Variants in TMPRSS13 observed in about 807,000 individuals in gnomAD.
TMPRSS13 encodes the protein transmembrane serine protease 13.
In TMPRSS13, 50 loss-of-function variants were observed where a neutral mutation model predicts 68.4. The observed-to-expected ratio is 0.73, with a 90% CI of 0.58 to 0.93. The LOEUF is 0.93. TMPRSS13 is among the 40% of genes least tolerant of loss of function. The pLI is 0.00. For synonymous variants in TMPRSS13, 267 were observed against 285.8 expected, an observed-to-expected ratio of 0.93 and a Z score of 0.66; for missense variants, 615 against 729.2, an observed-to-expected ratio of 0.84 and a Z score of 1.80.
chr11:117,915,167 G>C lies in TMPRSS13; in HGVS notation c.557-653C>G, dbSNP rs892085307. ...CCACATATACAAGTTGGGGCTAAAA[G>C]AAAACAGCTTTACAAGCCATATGTG... On this transcript the variant is annotated intron_variant, in intron 3 of 12. Transcript: ENST00000524993. The surrounding 1 kb of genome is among the most constrained non-coding windows in gnomAD (Gnocchi z 4.9). Among the ~76,000 whole-genome samples the C allele has an allele frequency of 6.6e-5, 10 of 151,560 alleles. No individual in the cohort carries two copies. The highest frequency in any genetic ancestry group is 1.3e-4 in the Non-Finnish European group (9 of 67,580).
chr11:117,908,115 A>C (rs2057482075), intron 9 of TMPRSS13: 1 of 1,048,360 alleles, frequency 9.5e-7, no homozygotes. Flanking sequence ...CTGCTTGGGA[A>C]TCAGATCGAC....
At chr11:117,913,009 G>T (rs1467159032) in intron 5 of TMPRSS13, among the ~76,000 whole-genome samples, 1 of 152,082 alleles carries the variant, frequency 6.6e-6, no homozygotes. Flanking sequence ...AGGCTGAGGT[G>T]GGGTGGAGAA....
chr11:117,911,679 C>T, intron 6 of TMPRSS13, 89 bp downstream of exon 6: 1 of 1,020,624 alleles, frequency 9.8e-7, no homozygotes, highest in Non-Finnish European at 1.5e-6. Flanking sequence ...ACTAGAAAAG[C>T]CAGTGAAGGG....
chr11:117,912,414 T>A (rs2057533243), intron 5 of TMPRSS13, among the ~76,000 whole-genome samples: 1 of 152,260 alleles, frequency 6.6e-6, no homozygotes. Context: ...CCACTGGATC[T>A]TAGAACACAG....
In TMPRSS13 at chr11:117,904,861, TTATATATATATATATATATATATATATA is replaced by T. The variant is rs58001868; in HGVS notation, c.1381+749_1382-761del. On this transcript the variant is annotated intron_variant, in intron 10 of 12. Coordinates refer to ENST00000524993, the MANE Select transcript of TMPRSS13 (RefSeq NM_001077263.3). ...TACCACTTAGAGCTCCTAGATAAGA[TTATATATATATATATATATATATATATA>T]TATATATATATATATTCTTAATTGA... Among the ~76,000 whole-genome samples the T allele has an allele frequency of 2.7e-4, 27 of 100,724 alleles. 1 individual carries two copies. The highest frequency in any genetic ancestry group is 4.0e-4 in the Non-Finnish European group (18 of 45,400). The allele number at this position is 100,724 out of a possible 152,430, so 66.1% of individuals were successfully genotyped here.
rs1459101140 is a variant in TMPRSS13 at position 117,910,691 on chromosome 11, A to G, written c.946+16T>C. 1.2e-6 allele frequency: 2 copies of G among 1,605,864 alleles called. No homozygotes were observed. The highest frequency in any genetic ancestry group is 1.3e-5 in the African/African-American group (1 of 74,810). ...CACACGACACTGGCCACAATCCAAGAAGAAGAACATCTTACGGGAACACTG... is the reference window on the plus strand; with the variant it reads ...CACACGACACTGGCCACAATCCAAGGAGAAGAACATCTTACGGGAACACTG... On this transcript the variant is annotated intron_variant, in intron 7 of 12. Coordinates refer to ENST00000524993, the MANE Select transcript of TMPRSS13 (RefSeq NM_001077263.3).
intron 2 of TMPRSS13, 122 bp from the exon 3 acceptor site, chr11:117,917,396 T>C (rs775450522): frequency 4.5e-6 from 3 of 672,260 alleles, no homozygotes; most frequent in Non-Finnish European, 7.6e-6. Flanking sequence ...ACCCCAGAAG[T>C]TGGAATGAGA....
chr11:117,905,066 T>C (rs1248402541), intron 10 of TMPRSS13, among the ~76,000 whole-genome samples: 2 of 151,264 alleles, frequency 1.3e-5, no homozygotes, highest in Non-Finnish European at 3.0e-5. Context: ...AGCTAATTTT[T>C]CTATTTTTTG....
Position 117,914,507 on chromosome 11 carries a change from G to C in TMPRSS13, c.564C>G (p.Phe188Leu). ...ACCTGATCCCTGTGTGGCCCTGCCA[G>C]AACTGGACTAGAGAAAAAGAAGCAG... ...LVVSLIILFQ[F>L]WQGHTGIRYK... is the part of the protein sequence containing the mutation. Residue 188 changes from phenylalanine to leucine, a missense_variant, in exon 4 of 13, where the codon TTC becomes TTG. Phe to Leu is a conservative substitution (Grantham distance 22). Coordinates refer to ENST00000524993, the MANE Select transcript of TMPRSS13 (RefSeq NM_001077263.3). The surrounding 1 kb of genome is among the most constrained non-coding windows in gnomAD (Gnocchi z 4.2). The C allele has an allele frequency of 6.2e-7, 1 of 1,613,910 alleles. No homozygotes were observed. The highest frequency in any genetic ancestry group is 2.2e-5 in the East Asian group (1 of 44,850).
At chr11:117,907,709 TCCCCTA>T in intron 9 of TMPRSS13, 1 of 761,978 alleles carries the variant, frequency 1.3e-6, no homozygotes. Context: ...CTGCTGAGCT[TCCCCTA>T]GCCTGCCAGG....
chr11:117,924,297 T>A (rs1277616077), intron 1 of TMPRSS13, among the ~76,000 whole-genome samples: 1 of 151,854 alleles, frequency 6.6e-6, no homozygotes, highest in Non-Finnish European at 1.5e-5. Flanking sequence ...GTGGGGACGG[T>A]GCCAATTCTA....
In TMPRSS13 at chr11:117,918,624, GCCTGGGCTGGAGAT is replaced by G. The variant is rs2057606024; in HGVS notation, c.222_235del (p.Ser75IlefsTer44). On this transcript the variant is annotated frameshift_variant, in exon 2 of 13. Coordinates refer to ENST00000524993, the MANE Select transcript of TMPRSS13 (RefSeq NM_001077263.3). LOFTEE classifies it high-confidence loss of function. Reference sequence around the variant, plus strand: ...GGCTGGAGATGCCTGGGCTGGAGATGCCTGGGCTGGAGATGCCCGGCCTGGAGATGCCCGGCCTG... The same window carrying G: ...GGCTGGAGATGCCTGGGCTGGAGATGGCCCGGCCTGGAGATGCCCGGCCTG... 6.3e-7 allele frequency: 1 copy of G among 1,584,020 alleles called. No individual in the cohort carries two copies. Among genetic ancestry groups the G allele is most frequent in the African/African-American group, 1.4e-5 (1 of 73,536 alleles).
intron 9 of TMPRSS13, chr11:117,907,903 G>GAATA (rs1319090732): frequency 2.0e-6 from 2 of 985,310 alleles, no homozygotes; most frequent in African/African-American, 3.5e-5. Context: ...ATGAGTGAAT[G>GAATA]AATGAATGAA....
chr11:117,929,249 C>T, intron 1 of TMPRSS13, 38 bp downstream of exon 1: 1 of 1,588,328 alleles, frequency 6.3e-7, no homozygotes, highest in South Asian at 1.2e-5. Context: ...TTCCTCAGCG[C>T]TGGGAGAATC....
chr11:117,912,516 G>A (rs146299160), intron 5 of TMPRSS13, among the ~76,000 whole-genome samples: 2 of 152,312 alleles, frequency 1.3e-5, no homozygotes, highest in South Asian at 4.1e-4. Context: ...TCACAAGCAC[G>A]GCGGGTGATT....
At position 117,901,638 on chromosome 11, in the gene TMPRSS13, T is replaced by C. The variant is rs1432567114; in HGVS notation, c.*601A>G. On this transcript the variant is annotated 3_prime_UTR_variant, in exon 13 of 13. Coordinates refer to ENST00000524993, the MANE Select transcript of TMPRSS13 (RefSeq NM_001077263.3). The stretch of plus-strand genomic sequence containing the variant: ...GTGACCAAATGAGTACAGTGAATCC[T>C]CATCTCAGTTGTCAGCCTGGTTAGC... 2 of 152,748 alleles carry C rather than the reference T, an allele frequency of 1.3e-5. No individual in the cohort carries two copies. The highest frequency in any genetic ancestry group is 2.9e-5 in the Non-Finnish European group (2 of 68,380). The allele number at this position is 152,748 out of a possible 1,614,324, so 9.5% of individuals were successfully genotyped here.
chr11:117,914,571 T>C lies in TMPRSS13; in HGVS notation c.557-57A>G, dbSNP rs1004320613. ...GGCCAGCCCCACTGAGATGAGACAC[T>C]GAGCAGCCCAAGGACCTGGGGGTTC... On this transcript the variant is annotated intron_variant, in intron 3 of 12. Coordinates refer to ENST00000524993, the MANE Select transcript of TMPRSS13 (RefSeq NM_001077263.3). The surrounding 1 kb of genome is among the most constrained non-coding windows in gnomAD (Gnocchi z 4.2). 25 of 1,606,560 alleles carry C rather than the reference T, an allele frequency of 1.6e-5. No homozygotes were observed. Among genetic ancestry groups the C allele is most frequent in the Non-Finnish European group, 2.0e-5 (24 of 1,178,402 alleles).
rs2057551622 is a variant in TMPRSS13, at chr11:117,914,273, A to G, written c.679+119T>C. On this transcript the variant is annotated intron_variant, in intron 4 of 12. Coordinates refer to ENST00000524993, the MANE Select transcript of TMPRSS13 (RefSeq NM_001077263.3). This position sits in a 1 kb window ranked among gnomAD's most constrained non-coding sequence, Gnocchi z 4.2. Reference sequence around the variant, plus strand: ...TGCATACACACAAACATGCACATACACACACATGCACGCACACATATACAC... The same window carrying G: ...TGCATACACACAAACATGCACATACGCACACATGCACGCACACATATACAC... 2 of 1,357,972 alleles carry G rather than the reference A, an allele frequency of 1.5e-6. No homozygotes were observed. Among genetic ancestry groups the G allele is most frequent in the South Asian group, 2.6e-5 (2 of 78,316 alleles). 84.1% of individuals were successfully genotyped at this position (1,357,972 alleles called of 1,614,324 possible).
chr11:117,929,321 A>G lies in TMPRSS13; in HGVS notation c.-14T>C, dbSNP rs1372427735. 5 of 1,604,034 alleles carry G rather than the reference A, an allele frequency of 3.1e-6. No homozygotes were observed. In the African/African-American group the frequency reaches 5.4e-5, roughly 17 times the overall value. On this transcript the variant is annotated 5_prime_UTR_variant, in exon 1 of 13. Coordinates refer to ENST00000524993, the MANE Select transcript of TMPRSS13 (RefSeq NM_001077263.3). Reference sequence around the variant, plus strand: ...GTCCCTCTCCATGGTCTCTGAGGGGAAGAGTCCTCCAGGCTTAGCTGATGT... The same window carrying G: ...GTCCCTCTCCATGGTCTCTGAGGGGGAGAGTCCTCCAGGCTTAGCTGATGT...
Sources: gnomAD v4.1 joint callset for allele counts (sites outside exome capture counted in the v4.1 genomes callset) on GRCh38, gnomAD v4.1.1 for gene constraint, Gnocchi (gnomAD v3.1) non-coding constraint, MANE v1.5 for transcripts, NCBI Gene and HGNC (gene_info 2026-07-23, HGNC 2026-07-21) for gene names.